NID2: variants seen among roughly 807,000 people sequenced by gnomAD.
NID2 encodes nidogen-2.
A neutral mutation model predicts 145.4 loss-of-function variants in NID2; 83 were observed. The ratio of observed to expected loss-of-function variants is 0.57; its 90% CI spans 0.48 to 0.69. The LOEUF is 0.69. Ranked by LOEUF, NID2 falls within the 30% of genes least tolerant of loss-of-function variation. The pLI is 0.00. For synonymous variants in NID2, 739 were observed against 701.3 expected, an observed-to-expected ratio of 1.05 and a Z score of -0.85; for missense variants, 1,807 against 1,765.7, an observed-to-expected ratio of 1.02 and a Z score of -0.42.
At chr14:52,013,671 G>A (rs1891110966) in intron 16 of NID2, among the ~76,000 whole-genome samples, 1 of 152,074 alleles carries the variant, frequency 6.6e-6, no homozygotes, top group Non-Finnish European at 1.5e-5. Flanking sequence ...TTGCATTAGG[G>A]AGGCTGCTGG....
At chr14:52,041,272 C>G (rs1454461813) in intron 7 of NID2, among the ~76,000 whole-genome samples, 1 of 152,104 alleles carries the variant, frequency 6.6e-6, no homozygotes, top group Admixed American at 6.5e-5. Flanking sequence ...GTGGGTAATA[C>G]TTATACTAGA....
intron 9 of NID2, among the ~76,000 whole-genome samples, chr14:52,035,328 G>C (rs983074144): frequency 6.6e-6 from 1 of 152,150 alleles, no homozygotes; most frequent in Non-Finnish European, 1.5e-5. Flanking sequence ...TGTCTCTATA[G>C]TGTAACCTTT....
At chr14:52,017,175 G>C (rs563621792) in intron 14 of NID2, among the ~76,000 whole-genome samples, 1 of 152,164 alleles carries the variant, frequency 6.6e-6, no homozygotes, top group Non-Finnish European at 1.5e-5. Flanking sequence ...GGACCACCCT[G>C]TGCTATGTGT....
chr14:52,060,361 GAGGA>G lies in NID2; in HGVS notation c.535-9_535-6del. 9.1e-7 allele frequency: 1 copy of G among 1,102,370 alleles called. No individual in the cohort carries two copies. The highest frequency in any genetic ancestry group is 1.2e-6 in the Non-Finnish European group (1 of 838,102). The allele number at this position is 1,102,370 out of a possible 1,614,324, so 68.3% of individuals were successfully genotyped here. A position where few individuals can be genotyped will look rare whatever the true frequency, so the allele number is the denominator to read the frequency against. On this transcript the variant is annotated splice_region_variant and splice_polypyrimidine_tract_variant and intron_variant, in intron 2 of 21. Coordinates refer to ENST00000216286, the MANE Select transcript of NID2 (RefSeq NM_007361.4). ...AACTGCCTGGAAAGTGTTCAGCTGT[GAGGA>G]AAAAAAAAAAAAAAGAGAGAGAGAG...
chr14:52,014,555 T>C (rs928644858), intron 15 of NID2, 99 bp from the exon 16 acceptor site: 1 of 1,253,254 alleles, frequency 8.0e-7, no homozygotes, highest in South Asian at 1.5e-5. Context: ...TCCAAAAATA[T>C]CAAAAGTTCT....
intron 5 of NID2, among the ~76,000 whole-genome samples, chr14:52,043,513 C>T (rs149015986): frequency 6.6e-6 from 1 of 152,266 alleles, no homozygotes; most frequent in African/African-American, 2.4e-5. Flanking sequence ...AACAGGGATT[C>T]AAGCTATTAA....
At chr14:52,056,613 T>G (rs1419487392) in intron 3 of NID2, among the ~76,000 whole-genome samples, 9 of 152,074 alleles carry the variant, frequency 5.9e-5, no homozygotes, top group African/African-American at 2.2e-4. Flanking sequence ...CTGGCCAACA[T>G]GGTGAAACCC....
chr14:52,037,663 C>G (rs2140394405), intron 9 of NID2, among the ~76,000 whole-genome samples: 1 of 152,266 alleles, frequency 6.6e-6, no homozygotes, highest in African/African-American at 2.4e-5. Context: ...ATTCTAGAAT[C>G]AGCTTGCCAA....
chr14:52,044,821 T>C (rs72680315), intron 5 of NID2, among the ~76,000 whole-genome samples: 30,499 of 151,862 alleles, frequency 0.2, 3,698 homozygotes, highest in East Asian at 0.5. Flanking sequence ...TCTCCCTGCG[T>C]TGCCCAGGTT....
chr14:52,062,745 T>C (rs2749887), intron 2 of NID2, among the ~76,000 whole-genome samples: 4 of 151,920 alleles, frequency 2.6e-5, no homozygotes, highest in Admixed American at 6.5e-5. Context: ...GGGAAGAGAG[T>C]AGTAAACAGA....
chr14:52,005,629 A>G, intron 21 of NID2, 108 bp downstream of exon 21: 1 of 1,392,326 alleles, frequency 7.2e-7, no homozygotes, highest in South Asian at 1.2e-5. Flanking sequence ...TCAGGGCAGG[A>G]AGAAGGCAAT....
At position 52,011,547 on chromosome 14, in the gene NID2, T is replaced by C. The variant is rs748168705; in HGVS notation, c.3550+7A>G. The C allele has an allele frequency of 6.2e-7, 1 of 1,613,942 alleles. No homozygotes were observed. Among genetic ancestry groups the C allele is most frequent in the African/African-American group, 1.3e-5 (1 of 74,826 alleles). ...TGAAATGCAGACTGCTGAGTGAAGCTGCTGACCTGAATTCACGATCGTCTC... is the reference window on the plus strand; with the variant it reads ...TGAAATGCAGACTGCTGAGTGAAGCCGCTGACCTGAATTCACGATCGTCTC... On this transcript the variant is annotated splice_region_variant and intron_variant, in intron 17 of 21. Transcript: ENST00000216286.
At chr14:52,030,593 A>AGAACGGAAGGAAGG (rs1566755787) in intron 9 of NID2, among the ~76,000 whole-genome samples, 42 of 134,996 alleles carry the variant, frequency 3.1e-4, no homozygotes, top group East Asian at 8.0e-4. Context: ...AAAGAAAGAA[A>AGAACGGAAGGAAGG]GAAAGAAAGA....
chr14:52,038,005 A>G (rs1892136858), intron 9 of NID2, among the ~76,000 whole-genome samples: 1 of 152,206 alleles, frequency 6.6e-6, no homozygotes, highest in South Asian at 2.1e-4. Flanking sequence ...ATAGTGTTTT[A>G]GTGAATTCCT....
chr14:52,040,720 G>T lies in NID2; in HGVS notation c.1957C>A (p.Pro653Thr). The T allele has an allele frequency of 6.2e-7, 1 of 1,614,124 alleles. No homozygotes were observed. The highest frequency in any genetic ancestry group is 1.1e-5 in the South Asian group (1 of 91,074). ...GCTGTGAAATTTGCTGAGACGTAAG[G>T]CACCTGGCCTTGAATGTTGGTCTTA... ...SIKTNIQGQV[P>T]YVSANFTAHI... The change falls in exon 8 of 22, where the codon CCT (proline) becomes ACT (threonine). Residue 653 changes from proline (P) to threonine (T), a missense_variant. Physicochemically the swap from Pro to Thr is conservative, Grantham distance 38. Transcript: ENST00000216286.
intron 2 of NID2, among the ~76,000 whole-genome samples, chr14:52,063,113 C>T (rs1893065954): frequency 6.6e-6 from 1 of 152,204 alleles, no homozygotes; most frequent in African/African-American, 2.4e-5. Context: ...GCTAAAGAGC[C>T]CACTTCATGA....
chr14:52,068,787 C>T lies in NID2; in HGVS notation c.208G>A (p.Ala70Thr), dbSNP rs776674396. ...CTTACGTAGAGGTTGCTGAATCGGGCTTCGTAGAAGTGCAGGGGATTCGCC... is the reference window on the plus strand; with the variant it reads ...CTTACGTAGAGGTTGCTGAATCGGGTTTCGTAGAAGTGCAGGGGATTCGCC... ...KLANPLHFYE[A>T]RFSNLYVGTN... is the part of the protein sequence containing the mutation. The change falls in exon 1 of 22, where the codon GCC (alanine) becomes ACC (threonine). Residue 70 changes from alanine (A) to threonine (T), a missense_variant. By Grantham distance (58) the Ala-to-Thr change is moderately conservative (BLOSUM62 0). Coordinates refer to ENST00000216286, the MANE Select transcript of NID2 (RefSeq NM_007361.4). The T allele has an allele frequency of 6.2e-6, 10 of 1,605,862 alleles. No individual in the cohort carries two copies. Among genetic ancestry groups the T allele is most frequent in the South Asian group, 1.1e-5 (1 of 91,072 alleles).
intron 5 of NID2, among the ~76,000 whole-genome samples, chr14:52,047,127 CAA>C (rs759659228): frequency 2.6e-5 from 4 of 152,132 alleles, no homozygotes; most frequent in East Asian, 1.9e-4. Flanking sequence ...TGGCAGGGAG[CAA>C]AAGAGACAAA....
intron 11 of NID2, 47 bp from the exon 12 acceptor site, chr14:52,027,391 G>A (rs777643175): frequency 2.1e-6 from 3 of 1,454,158 alleles, no homozygotes; most frequent in Non-Finnish European, 2.7e-6. Flanking sequence ...GGCCTGCAAA[G>A]GATGAGCCTC....
Sources: gnomAD v4.1 joint callset for allele counts (sites outside exome capture counted in the v4.1 genomes callset) on GRCh38, gnomAD v4.1.1 for gene constraint, MANE v1.5 for transcripts, NCBI Gene and HGNC (gene_info 2026-07-23, HGNC 2026-07-21) for gene names.